Variants in HOMEZ observed in about 807,000 individuals in gnomAD.
The protein encoded by HOMEZ is homeobox and leucine zipper protein Homez.
Under a neutral mutation model 50.1 loss-of-function variants are expected in HOMEZ, and 20 were observed. That is an observed-to-expected ratio of 0.40 (90% CI 0.28 to 0.58). The LOEUF is 0.58. HOMEZ is among the 20% of genes least tolerant of loss of function. The probability of loss-of-function intolerance (pLI) is 0.46; values close to 1 mark genes in which losing one functional copy is unlikely to be tolerated. For synonymous variants in HOMEZ, 239 were observed against 254.7 expected (o/e 0.94, Z 0.59); for missense variants, 579 against 680.5 (o/e 0.85, Z 1.66).
At position 23,277,281 on chromosome 14, in the gene HOMEZ, T is replaced by G. The variant is rs1348497683; in HGVS notation, c.41-94A>C. The G allele has an allele frequency of 5.2e-6, 6 of 1,159,522 alleles. No homozygotes were observed. The African/African-American group carries it at 9.3e-5, about 18-fold the overall frequency. The allele number at this position is 1,159,522 out of a possible 1,614,324, so 71.8% of individuals were successfully genotyped here. On this transcript the variant is annotated intron_variant, in intron 1 of 1. Transcript: ENST00000357460. ...AACTAACTGCTGGACACCAGAACAA[T>G]TTAATCTGTATTTGTATCATGTTGT...
At chr14:23,280,729 TATTTTA>T (rs1566451124) in intron 1 of HOMEZ, among the ~76,000 whole-genome samples, 1 of 68,086 alleles carries the variant, frequency 1.5e-5, no homozygotes, top group Non-Finnish European at 2.9e-5. Flanking sequence ...TATTTTATTT[TATTTTA>T]TTTTATTATT....
intron 1 of HOMEZ, among the ~76,000 whole-genome samples, chr14:23,282,565 C>T (rs1047655260): frequency 1.3e-5 from 2 of 151,684 alleles, no homozygotes; most frequent in African/African-American, 2.4e-5. Context: ...GATGGCAATG[C>T]TTGACGTCTA....
intron 1 of HOMEZ, among the ~76,000 whole-genome samples, chr14:23,281,551 G>C (rs1169182557): frequency 1.3e-5 from 2 of 152,170 alleles, no homozygotes; most frequent in Admixed American, 1.3e-4. Flanking sequence ...AGGGCATAGA[G>C]CAAATGTTAG....
rs1005298147 is a variant in HOMEZ at position 23,286,126 on chromosome 14, G to A, written c.-174C>T. On this transcript the variant is annotated 5_prime_UTR_variant, in exon 1 of 2. Coordinates refer to ENST00000357460, the MANE Select transcript of HOMEZ (RefSeq NM_020834.3). ...CCCTGCTCGAGCAAGTTGGAGGCGG[G>A]GCGGATGGGTGGGGTGGGCGTCCAG... 1 of 1,228,350 alleles carries A rather than the reference G, an allele frequency of 8.1e-7. No individual in the cohort carries two copies. Among genetic ancestry groups the A allele is most frequent in the African/African-American group, 1.6e-5 (1 of 64,436 alleles). 76.1% of individuals were successfully genotyped at this position (1,228,350 alleles called of 1,614,324 possible).
rs1318050555 is a variant in HOMEZ at position 23,275,443 on chromosome 14, C to T, written c.*132G>A. ...CCACCCTCACTATATCCCCCTGCCA[C>T]CCACCCTGAAGAACACAAAGCTTTT... On this transcript the variant is annotated 3_prime_UTR_variant, in exon 2 of 2. Coordinates refer to ENST00000357460, the MANE Select transcript of HOMEZ (RefSeq NM_020834.3). 4.1e-6 allele frequency: 5 copies of T among 1,208,470 alleles called. 1 individual carries two copies. In the African/African-American group the frequency reaches 4.6e-5, roughly 11 times the overall value. 74.9% of individuals were successfully genotyped at this position (1,208,470 alleles called of 1,614,324 possible). A position where few individuals can be genotyped will look rare whatever the true frequency, so the allele number is the denominator to read the frequency against.
chr14:23,275,591 ACATCAT>A lies in HOMEZ; in HGVS notation c.1631_1636del (p.Asp544_Asp545del), dbSNP rs148005528. On this transcript the variant is annotated inframe_deletion, in exon 2 of 2. Coordinates refer to ENST00000357460, the MANE Select transcript of HOMEZ (RefSeq NM_020834.3). ...GCTCCCCACTCAGTCTTGTATGATC[ACATCAT>A]CATCATCATCATCATCATCTTCCTC... 7.5e-3 allele frequency: 11,265 copies of A among 1,492,118 alleles called. 267 individuals carry two copies. The East Asian group carries it at 0.1, about 14-fold the overall frequency. The allele number at this position is 1,492,118 out of a possible 1,614,324, so 92.4% of individuals were successfully genotyped here.
At position 23,276,426 on chromosome 14, in the gene HOMEZ, A is replaced by G; in HGVS notation, c.802T>C (p.Leu268=). The change falls in exon 2 of 2, where the codon TTA becomes CTA. Residue 268 remains leucine, a synonymous_variant. Coordinates refer to ENST00000357460, the MANE Select transcript of HOMEZ (RefSeq NM_020834.3). The surrounding 1 kb of genome is among the most constrained non-coding windows in gnomAD (Gnocchi z 4.1). ...TCCTCCTTACAACTACTGGCAATTA[A>G]TGCAATTGGTGGGGGTTTATCCCGA... is the stretch of plus-strand genomic sequence containing the variant. ...QARDKPPPIA[L]IASSCKEESA... The G allele has an allele frequency of 1.2e-6, 2 of 1,614,004 alleles. No individual in the cohort carries two copies. The highest frequency in any genetic ancestry group is 4.5e-5 in the East Asian group (2 of 44,886).
At chr14:23,281,429 G>T (rs1477753427) in intron 1 of HOMEZ, among the ~76,000 whole-genome samples, 1 of 152,128 alleles carries the variant, frequency 6.6e-6, no homozygotes, top group African/African-American at 2.4e-5. Flanking sequence ...TCAGCTATGT[G>T]ATCTCAGGCA....
chr14:23,286,023 G>A lies in HOMEZ; in HGVS notation c.-71C>T. ...AGTGGGGTTGCTGCCCGGTGCGGCCGCTCCGAGCCCACCCCAGCGATGGCC... is the reference window on the plus strand; with the variant it reads ...AGTGGGGTTGCTGCCCGGTGCGGCCACTCCGAGCCCACCCCAGCGATGGCC... On this transcript the variant is annotated 5_prime_UTR_variant, in exon 1 of 2. Coordinates refer to ENST00000357460, the MANE Select transcript of HOMEZ (RefSeq NM_020834.3). The A allele has an allele frequency of 8.1e-7, 1 of 1,232,970 alleles. No individual in the cohort carries two copies. The highest frequency in any genetic ancestry group is 1.0e-6 in the Non-Finnish European group (1 of 987,114). The allele number at this position is 1,232,970 out of a possible 1,614,324, so 76.4% of individuals were successfully genotyped here. A position where few individuals can be genotyped will look rare whatever the true frequency, so the allele number is the denominator to read the frequency against.
intron 1 of HOMEZ, among the ~76,000 whole-genome samples, chr14:23,281,701 T>A (rs1195947572): frequency 6.6e-6 from 1 of 151,806 alleles, no homozygotes; most frequent in Non-Finnish European, 1.5e-5. Context: ...CAGTGGCTCA[T>A]GCCTGTAATG....
Position 23,273,155 on chromosome 14 carries a change from G to T in HOMEZ, c.*2420C>A. On this transcript the variant is annotated 3_prime_UTR_variant, in exon 2 of 2. Coordinates refer to ENST00000357460, the MANE Select transcript of HOMEZ (RefSeq NM_020834.3). ...TAGCTCCCCTCATTTCCTACAATTT[G>T]GAACAAAGGTCAAAAAAATAATTCT... 3.4e-6 allele frequency: 1 copy of T among 290,634 alleles called. No homozygotes were observed. Among genetic ancestry groups the T allele is most frequent in the Non-Finnish European group, 6.4e-6 (1 of 155,850 alleles). 18.0% of individuals were successfully genotyped at this position (290,634 alleles called of 1,614,324 possible).
rs189478687 is a variant in HOMEZ at position 23,281,239 on chromosome 14, C to T, written c.41-4052G>A. Among the ~76,000 whole-genome samples the T allele has an allele frequency of 2.8e-4, 43 of 152,276 alleles. No individual in the cohort carries two copies. In the East Asian group the frequency reaches 6.6e-3, roughly 23 times the overall value. ...TTTAAAATTCAGAAGCATTTTAATA[C>T]GTGTCACCATTTCCTTTTAACAAGC... is the stretch of plus-strand genomic sequence containing the variant. On this transcript the variant is annotated intron_variant, in intron 1 of 1. Transcript: ENST00000357460.
rs1179566733 is a variant in HOMEZ, at chr14:23,280,729, TA to T, written c.41-3543del. ...TTTTTATTTTTATTTTATTTTATTT[TA>T]TTTTATTTTATTATTTTATTTTATT... On this transcript the variant is annotated intron_variant, in intron 1 of 1. Transcript: ENST00000357460. Among the ~76,000 whole-genome samples, 90 of 68,036 alleles carry T rather than the reference TA, an allele frequency of 1.3e-3. 1 individual carries two copies. The highest frequency in any genetic ancestry group is 4.3e-3 in the African/African-American group (76 of 17,792). The allele number at this position is 68,036 out of a possible 152,430, so 44.6% of individuals were successfully genotyped here. A position where few individuals can be genotyped will look rare whatever the true frequency, so the allele number is the denominator to read the frequency against.
chr14:23,285,413 A>G (rs1225196081), intron 1 of HOMEZ: 1 of 152,308 alleles, frequency 6.6e-6, no homozygotes, highest in Non-Finnish European at 1.5e-5. Flanking sequence ...ATGGCTGGGT[A>G]CGGGAGTCAG....
In HOMEZ at chr14:23,286,036, C is replaced by G. The variant is rs377279166; in HGVS notation, c.-84G>C. ...CCCGGTGCGGCCGCTCCGAGCCCACCCCAGCGATGGCCGAAACCGGGACTG... is the reference window on the plus strand; with the variant it reads ...CCCGGTGCGGCCGCTCCGAGCCCACGCCAGCGATGGCCGAAACCGGGACTG... On this transcript the variant is annotated 5_prime_UTR_variant, in exon 1 of 2. Coordinates refer to ENST00000357460, the MANE Select transcript of HOMEZ (RefSeq NM_020834.3). 1 of 1,232,306 alleles carries G rather than the reference C, an allele frequency of 8.1e-7. No homozygotes were observed. The highest frequency in any genetic ancestry group is 1.6e-5 in the African/African-American group (1 of 64,394). The allele number at this position is 1,232,306 out of a possible 1,614,324, so 76.3% of individuals were successfully genotyped here.
chr14:23,280,703 A>AT (rs1243430011), intron 1 of HOMEZ, among the ~76,000 whole-genome samples: 40 of 61,594 alleles, frequency 6.5e-4, no homozygotes, highest in African/African-American at 1.5e-3. Context: ...TTATTTTTAT[A>AT]TTTTTATTTT....
chr14:23,274,548 A>G lies in HOMEZ; in HGVS notation c.*1027T>C, dbSNP rs1886290662. 1 of 152,646 alleles carries G rather than the reference A, an allele frequency of 6.6e-6. No individual in the cohort carries two copies. Among genetic ancestry groups the G allele is most frequent in the Non-Finnish European group, 1.5e-5 (1 of 68,046 alleles). 9.5% of individuals were successfully genotyped at this position (152,646 alleles called of 1,614,324 possible). ...GTGGGGGAAGATTTTCCCTGAGACA[A>G]ACAATGAACAGAGTGAGGATTTTGG... is the stretch of plus-strand genomic sequence containing the variant. On this transcript the variant is annotated 3_prime_UTR_variant, in exon 2 of 2. Transcript: ENST00000357460.
At chr14:23,278,480 C>A (rs894708047) in intron 1 of HOMEZ, among the ~76,000 whole-genome samples, 10 of 151,996 alleles carry the variant, frequency 6.6e-5, no homozygotes, top group Non-Finnish European at 1.5e-4. Context: ...ATCCTCCCAC[C>A]TCAGCCTCCC....
intron 1 of HOMEZ, among the ~76,000 whole-genome samples, chr14:23,281,004 C>T (rs1478092157): frequency 2.6e-5 from 4 of 151,634 alleles, no homozygotes; most frequent in East Asian, 2.0e-4. Flanking sequence ...CTCCTGACCT[C>T]GTCATCTGCC....
Sources: gnomAD v4.1 joint callset for allele counts (sites outside exome capture counted in the v4.1 genomes callset) on GRCh38, gnomAD v4.1.1 for gene constraint, Gnocchi (gnomAD v3.1) non-coding constraint, MANE v1.5 for transcripts, NCBI Gene and HGNC (gene_info 2026-07-23, HGNC 2026-07-21) for gene names.